Variants in GRM6 observed in about 807,000 individuals in gnomAD.
GRM6 encodes the protein metabotropic glutamate receptor 6.
A neutral mutation model predicts 78.4 loss-of-function variants in GRM6; 73 were observed. The observed-to-expected ratio is 0.93, with a 90% CI of 0.77 to 1.13. The LOEUF (loss-of-function observed/expected upper bound fraction) is 1.13. Ranked by LOEUF, GRM6 falls within the 50% of genes most tolerant of loss-of-function variation. The pLI, the probability that GRM6 is intolerant of heterozygous loss-of-function variation, is 0.00. For missense variants in GRM6, 1,251 were observed against 1,256.4 expected (o/e 1.00, Z 0.07); for synonymous variants, 580 against 555.0 (o/e 1.05, Z -0.63).
rs1026500711 is a variant in GRM6 at position 178,986,060 on chromosome 5, C to T, written c.2124+70G>A. The T allele has an allele frequency of 1.5e-5, 21 of 1,426,452 alleles. No individual in the cohort carries two copies. The South Asian group carries it at 2.5e-4, about 17-fold the overall frequency. 88.4% of individuals were successfully genotyped at this position (1,426,452 alleles called of 1,614,324 possible). A position where few individuals can be genotyped will look rare whatever the true frequency, so the allele number is the denominator to read the frequency against. Reference sequence around the variant, plus strand: ...TACAGGCGTGTGCCACTGTGCCTGGCCCTTTTGGCTTTGTAACGTTGCGGA... The same window carrying T: ...TACAGGCGTGTGCCACTGTGCCTGGTCCTTTTGGCTTTGTAACGTTGCGGA... On this transcript the variant is annotated intron_variant, in intron 9 of 10. Coordinates refer to ENST00000517717, the MANE Select transcript of GRM6 (RefSeq NM_000843.4).
intron 7 of GRM6, chr5:178,987,363 C>G (rs771733670): frequency 1.5e-5 from 7 of 471,508 alleles, no homozygotes; most frequent in Admixed American, 9.3e-5. Flanking sequence ...TGTACAGCCA[C>G]GTTCACAGCA....
chr5:178,986,138 A>G lies in GRM6; in HGVS notation c.2116T>C (p.Ser706Pro), dbSNP rs1325309872. 12 of 1,613,226 alleles carry G rather than the reference A, an allele frequency of 7.4e-6. No homozygotes were observed. The highest frequency in any genetic ancestry group is 1.0e-5 in the Non-Finnish European group (12 of 1,179,658). ...SQLVITFSLT[S>P]LQVVGMIAWL... ...GGAGCCTACGGACCCACCTGCAGGG[A>G]GGTGAGGCTGAAGGTGATGACCAGC... Residue 706 changes from serine to proline, a missense_variant, in exon 9 of 11, where the codon TCC becomes CCC. Ser to Pro is a moderately conservative substitution (Grantham distance 74, BLOSUM62 -1). Coordinates refer to ENST00000517717, the MANE Select transcript of GRM6 (RefSeq NM_000843.4).
chr5:178,992,303 T>G lies in GRM6; in HGVS notation c.505-220A>C. Reference sequence around the variant, plus strand: ...GGTGTTTTGCGAGTGGGCCTGAGAATTCCGTGAATGCTGTGCAGGTGGGAG... The same window carrying G: ...GGTGTTTTGCGAGTGGGCCTGAGAAGTCCGTGAATGCTGTGCAGGTGGGAG... On this transcript the variant is annotated intron_variant, in intron 2 of 10. Coordinates refer to ENST00000517717, the MANE Select transcript of GRM6 (RefSeq NM_000843.4). The surrounding 1 kb of genome is among the most constrained non-coding windows in gnomAD (Gnocchi z 4.9). 23 of 584,884 alleles carry G rather than the reference T, an allele frequency of 3.9e-5. No individual in the cohort carries two copies. Among genetic ancestry groups the G allele is most frequent in the East Asian group, 1.5e-4 (4 of 27,296 alleles). 36.2% of individuals were successfully genotyped at this position (584,884 alleles called of 1,614,324 possible).
intron 2 of GRM6, among the ~76,000 whole-genome samples, chr5:178,994,230 G>A (rs1057465676): frequency 1.8e-4 from 28 of 152,250 alleles, no homozygotes; most frequent in Non-Finnish European, 3.8e-4. Context: ...GCCCTCGCGG[G>A]GCGGGGTAGA....
rs1235690583 is a variant in GRM6 at position 178,988,850 on chromosome 5, C to T, written c.1354+85G>A. ...ACCACTCAGCCTCACCCAGCCCTTC[C>T]ACCCTGAGGTTGTCCCAGGCCTCAC... On this transcript the variant is annotated intron_variant, in intron 7 of 10. Coordinates refer to ENST00000517717, the MANE Select transcript of GRM6 (RefSeq NM_000843.4). The surrounding 1 kb of genome is among the most constrained non-coding windows in gnomAD (Gnocchi z 6.0). 1.8e-6 allele frequency: 2 copies of T among 1,121,336 alleles called. No homozygotes were observed. Among genetic ancestry groups the T allele is most frequent in the Non-Finnish European group, 2.6e-6 (2 of 755,432 alleles). The allele number at this position is 1,121,336 out of a possible 1,614,324, so 69.5% of individuals were successfully genotyped here. A position where few individuals can be genotyped will look rare whatever the true frequency, so the allele number is the denominator to read the frequency against.
At chr5:178,990,268 C>G (rs754246460) in intron 5 of GRM6, among the ~76,000 whole-genome samples, 8 of 152,168 alleles carry the variant, frequency 5.3e-5, no homozygotes, top group Non-Finnish European at 8.8e-5. Context: ...ATTCCGTATC[C>G]TTGGTTTCTC....
chr5:178,987,658 G>A (rs2113332837), intron 7 of GRM6, among the ~76,000 whole-genome samples: 1 of 152,334 alleles, frequency 6.6e-6, no homozygotes, highest in Admixed American at 6.5e-5. Flanking sequence ...CTGGCGGGAG[G>A]AGGGGATGGG....
At chr5:178,989,205 C>CA in intron 6 of GRM6, 60 bp downstream of exon 6, 15 of 306,458 alleles carry the variant, frequency 4.9e-5, no homozygotes, top group Non-Finnish European at 6.8e-5. Flanking sequence ...CGCCTTCCCC[C>CA]TCCCCACCCT....
chr5:178,982,700 A>AG, intron 10 of GRM6: 2 of 506,088 alleles, frequency 4.0e-6, no homozygotes, highest in South Asian at 2.8e-5. Context: ...GATAAAAAAA[A>AG]AAAAGAAAAA....
At chr5:178,989,213 CCTCACCACCCT>C in intron 6 of GRM6, 41 bp downstream of exon 6, 1 of 1,191,858 alleles carries the variant, frequency 8.4e-7, no homozygotes, top group Non-Finnish European at 1.2e-6. Context: ...CCCTCCCCAC[CCTCACCACCCT>C]CCCCACCCTC....
Position 178,994,825 on chromosome 5 carries a change from C to A in GRM6, c.120G>T (p.Thr40=). The change falls in exon 2 of 11, where the codon ACG becomes ACT. Residue 40 remains threonine (T), a synonymous_variant. Coordinates refer to ENST00000517717, the MANE Select transcript of GRM6 (RefSeq NM_000843.4). The part of the protein sequence containing the change: ...AGSVRLAGGL[T]LGGLFPVHAR... ...CGTGCACCGGGAACAGGCCGCCCAG[C>A]GTCAGGCCGCCCGCCAGGCGCACAG... The A allele has an allele frequency of 8.1e-7, 1 of 1,238,578 alleles. No individual in the cohort carries two copies. Among genetic ancestry groups the A allele is most frequent in the Non-Finnish European group, 1.0e-6 (1 of 991,660 alleles). 76.7% of individuals were successfully genotyped at this position (1,238,578 alleles called of 1,614,324 possible).
rs1351110265 is a variant in GRM6 at position 178,988,898 on chromosome 5, G to C, written c.1354+37C>G. ...CACAGCAAAATCCAGCCCCCCAGCT[G>C]TCCTTCACTGCTGCAGGGGGGCAGG... On this transcript the variant is annotated intron_variant, in intron 7 of 10. Coordinates refer to ENST00000517717, the MANE Select transcript of GRM6 (RefSeq NM_000843.4). This position sits in a 1 kb window ranked among gnomAD's most constrained non-coding sequence, Gnocchi z 6.0. 1.3e-6 allele frequency: 2 copies of C among 1,558,052 alleles called. No individual in the cohort carries two copies. The highest frequency in any genetic ancestry group is 3.4e-5 in the Admixed American group (2 of 59,288).
At position 178,979,950 on chromosome 5, in the gene GRM6, A is replaced by G. The variant is rs1760358824; in HGVS notation, c.*1707T>C. On this transcript the variant is annotated 3_prime_UTR_variant, in exon 11 of 11. Coordinates refer to ENST00000517717, the MANE Select transcript of GRM6 (RefSeq NM_000843.4). ...ACAGGAGAGAAACCCTATGGAATAA[A>G]TAATTCTGGAAAGCATTCAGCAACA... is the stretch of plus-strand genomic sequence containing the variant. The G allele has an allele frequency of 6.5e-6, 1 of 154,472 alleles. No homozygotes were observed. Among genetic ancestry groups the G allele is most frequent in the Non-Finnish European group, 1.5e-5 (1 of 68,260 alleles). 9.6% of individuals were successfully genotyped at this position (154,472 alleles called of 1,614,324 possible).
rs551387714 is a variant in GRM6, at chr5:178,984,196, T to G, written c.2125-975A>C. ...TCCAGGTGGAAAAAAAAAAAGTTGCTCATGAGAAACAAAAATGCAAGCCCA... is the reference window on the plus strand; with the variant it reads ...TCCAGGTGGAAAAAAAAAAAGTTGCGCATGAGAAACAAAAATGCAAGCCCA... On this transcript the variant is annotated intron_variant, in intron 9 of 10. Transcript: ENST00000517717. 2.4e-4 allele frequency among the ~76,000 whole-genome samples: 37 copies of G among 151,304 alleles called. No homozygotes were observed. In the South Asian group the frequency reaches 7.3e-3, roughly 30 times the overall value.
intron 4 of GRM6, 130 bp from the exon 5 acceptor site, chr5:178,990,876 G>A (rs907739786): frequency 2.7e-5 from 22 of 800,202 alleles, no homozygotes; most frequent in Middle Eastern, 3.7e-4. Context: ...CAGGAAAAAC[G>A]GGGCCGGGGG....
At position 178,982,922 on chromosome 5, in the gene GRM6, C is replaced by T; in HGVS notation, c.2424G>A (p.Gln808=). The T allele has an allele frequency of 1.2e-6, 2 of 1,613,720 alleles. No homozygotes were observed. The highest frequency in any genetic ancestry group is 1.7e-6 in the Non-Finnish European group (2 of 1,179,600). ...AFVPIFFGTA[Q]SAEKIYIQTT... ...GGGACCTCATTACCTTTTCAGCTGA[C>T]TGGGCAGTGCCAAAGAAGATGGGCA... The change falls in exon 10 of 11, where the codon CAG becomes CAA. Residue 808 remains glutamine (Q), a synonymous_variant. Coordinates refer to ENST00000517717, the MANE Select transcript of GRM6 (RefSeq NM_000843.4).
intron 9 of GRM6, chr5:178,985,819 T>TG: frequency 1.9e-6 from 1 of 523,492 alleles, no homozygotes; most frequent in Admixed American, 2.8e-5. Context: ...TGGATTGTAG[T>TG]GGTGCGATCT....
In GRM6 at chr5:178,986,468, C is replaced by G; in HGVS notation, c.1786G>C (p.Gly596Arg). The change falls in exon 9 of 11, where the codon GGC (glycine) becomes CGC (arginine). Residue 596 changes from glycine (G) to arginine (R), a missense_variant. Gly to Arg is a moderately radical substitution (Grantham distance 125). Coordinates refer to ENST00000517717, the MANE Select transcript of GRM6 (RefSeq NM_000843.4). Reference sequence around the variant, plus strand: ...ACCACCGTGGTAGTGGCCACGATGCCCAGCACGGCCAGGAGGAGCGGCGGG... The same window carrying G: ...ACCACCGTGGTAGTGGCCACGATGCGCAGCACGGCCAGGAGGAGCGGCGGG... ...AAPPLLLAVLGIVATTTVVAT... is the reference protein window; with the variant it reads ...AAPPLLLAVLRIVATTTVVAT... 6.2e-7 allele frequency: 1 copy of G among 1,612,318 alleles called. No homozygotes were observed. The highest frequency in any genetic ancestry group is 1.1e-5 in the South Asian group (1 of 91,042).
At chr5:178,995,091 G>A (rs1424177213) in intron 1 of GRM6, 131 bp from the exon 2 acceptor site, 1 of 383,118 alleles carries the variant, frequency 2.6e-6, no homozygotes, top group Non-Finnish European at 3.8e-6. Context: ...TCGGCTCTGG[G>A]GAGTTAGCTC....
Sources: allele counts gnomAD v4.1 joint callset (sites outside exome capture counted in the v4.1 genomes callset), GRCh38; gene constraint gnomAD v4.1.1; non-coding constraint Gnocchi (gnomAD v3.1); transcripts MANE v1.5; gene names NCBI Gene and HGNC (gene_info 2026-07-23, HGNC 2026-07-21).